The following TMTC2 variants were observed in gnomAD, a reference collection of about 807,000 sequenced individuals.
The protein encoded by TMTC2 is transmembrane O-mannosyltransferase targeting cadherins 2, also known as protein O-mannosyl-transferase TMTC2.
TMTC2 carries 43 observed loss-of-function variants against 82.4 expected under a neutral mutation model. The observed-to-expected ratio is 0.52, with a 90% CI of 0.41 to 0.67. The LOEUF (loss-of-function observed/expected upper bound fraction) is 0.67, where lower values mean the gene tolerates loss of function less well. Ranked by LOEUF, TMTC2 falls within the 30% of genes least tolerant of loss-of-function variation. The probability of loss-of-function intolerance (pLI) is 0.00; values close to 1 mark genes in which losing one functional copy is unlikely to be tolerated. For missense variants in TMTC2, 919 were observed against 1,012.4 expected (o/e 0.91, Z 1.25); for synonymous variants, 408 against 381.9 (o/e 1.07, Z -0.80).
chr12:82,834,314 A>G (rs1869910363), intron 1 of TMTC2, among the ~76,000 whole-genome samples: 2 of 152,242 alleles, frequency 1.3e-5, no homozygotes, highest in African/African-American at 4.8e-5. Flanking sequence ...CAGAGAGAGA[A>G]AAAGGTTGAA....
rs767346892 is a variant in TMTC2 at position 82,699,210 on chromosome 12, C to T, written c.83+11541C>T. Among the ~76,000 whole-genome samples, 5 of 152,272 alleles carry T rather than the reference C, an allele frequency of 3.3e-5. No individual in the cohort carries two copies. In the East Asian group the frequency reaches 5.8e-4, roughly 18 times the overall value. On this transcript the variant is annotated intron_variant, in intron 1 of 11. Coordinates refer to ENST00000321196, the MANE Select transcript of TMTC2 (RefSeq NM_152588.3). Reference sequence around the variant, plus strand: ...ATGGCCTGCTCCATCCCCCATACACCGTTTCTGCTTTTACTCTCTATCCAC... The same window carrying T: ...ATGGCCTGCTCCATCCCCCATACACTGTTTCTGCTTTTACTCTCTATCCAC...
intron 1 of TMTC2, among the ~76,000 whole-genome samples, chr12:82,815,708 T>C (rs1868672814): frequency 6.6e-6 from 1 of 152,060 alleles, no homozygotes; most frequent in Non-Finnish European, 1.5e-5. Flanking sequence ...GAATGAAAGT[T>C]TGTAGGCCAA....
At chr12:82,690,555 A>G (rs1872529999) in intron 1 of TMTC2, 1 of 259,028 alleles carries the variant, frequency 3.9e-6, no homozygotes, top group Non-Finnish European at 6.0e-6. Context: ...CTTATAGCAC[A>G]ATCAATTTCT....
Position 82,963,832 on chromosome 12 carries a change from T to C in TMTC2, c.1599-1192T>C, listed in dbSNP as rs1258607868. 3.1e-3 allele frequency among the ~76,000 whole-genome samples: 310 copies of C among 100,278 alleles called. 14 individuals are homozygous for C. The highest frequency in any genetic ancestry group is 8.9e-3 in the South Asian group (32 of 3,576). 65.8% of individuals were successfully genotyped at this position (100,278 alleles called of 152,430 possible). On this transcript the variant is annotated intron_variant, in intron 4 of 11. Coordinates refer to ENST00000321196, the MANE Select transcript of TMTC2 (RefSeq NM_152588.3). ...ATATATATATATATATATATATATATATATATATATATATATATGTGAAAG... is the reference window on the plus strand; with the variant it reads ...ATATATATATATATATATATATATACATATATATATATATATATGTGAAAG...
chr12:82,895,661 C>T (rs773043188), intron 2 of TMTC2, among the ~76,000 whole-genome samples, 157 bp from the exon 3 acceptor site: 3 of 152,038 alleles, frequency 2.0e-5, no homozygotes, highest in Non-Finnish European at 4.4e-5. Flanking sequence ...TTTCTCTAGG[C>T]GTGCTTGAAA....
intron 11 of TMTC2, among the ~76,000 whole-genome samples, chr12:83,106,975 A>T (rs534604018): frequency 6.6e-6 from 1 of 152,236 alleles, no homozygotes; most frequent in Non-Finnish European, 1.5e-5. Flanking sequence ...CAGTAAATTA[A>T]TGATATAAAT....
At position 82,941,879 on chromosome 12, in the gene TMTC2, C is replaced by T. The variant is rs137922417; in HGVS notation, c.1598+11334C>T. Among the ~76,000 whole-genome samples the T allele has an allele frequency of 1.3e-3, 194 of 152,088 alleles. 3 individuals are homozygous for T. In the East Asian group the frequency reaches 0.029, roughly 23 times the overall value. On this transcript the variant is annotated intron_variant, in intron 4 of 11. Transcript: ENST00000321196. ...GGTTCAAGCGATTCTCCTGAGTAGC[C>T]AGGATTACAGATGTGCGACACCATG...
At chr12:82,856,983 G>T in intron 1 of TMTC2, 27 bp from the exon 2 acceptor site, 2 of 1,573,908 alleles carry the variant, frequency 1.3e-6, no homozygotes, top group South Asian at 1.2e-5. Context: ...TTTTACATTT[G>T]ATTTTTTTTA....
At chr12:82,763,109 A>T (rs1177823885) in intron 1 of TMTC2, among the ~76,000 whole-genome samples, 1 of 152,138 alleles carries the variant, frequency 6.6e-6, no homozygotes, top group African/African-American at 2.4e-5. Flanking sequence ...TAATATTGAG[A>T]CACAAATTTA....
At chr12:82,853,381 G>C (rs1305135872) in intron 1 of TMTC2, among the ~76,000 whole-genome samples, 1 of 152,150 alleles carries the variant, frequency 6.6e-6, no homozygotes, top group African/African-American at 2.4e-5. Context: ...GGGATTACAG[G>C]CATGAGCCAC....
At chr12:82,993,956 AATGCTTGCAGACAGG>A (rs143846213) in intron 8 of TMTC2, among the ~76,000 whole-genome samples, 2,460 of 152,136 alleles carry the variant, frequency 0.016, 60 homozygotes, top group African/African-American at 0.056. Context: ...CTTTAGGCTG[AATGCTTGCAGACAGG>A]ATGCTTGGGT....
At chr12:82,881,097 G>A (rs1172088115) in intron 2 of TMTC2, among the ~76,000 whole-genome samples, 1 of 152,078 alleles carries the variant, frequency 6.6e-6, no homozygotes, top group East Asian at 1.9e-4. Context: ...TAATTTAAAA[G>A]ATAGTACTAT....
At chr12:83,023,329 A>G (rs895388726) in intron 8 of TMTC2, among the ~76,000 whole-genome samples, 5 of 152,214 alleles carry the variant, frequency 3.3e-5, no homozygotes, top group Non-Finnish European at 7.3e-5. Context: ...AACTATTCCT[A>G]TGTGCCCTTT....
chr12:82,889,787 T>C (rs1273987030), intron 2 of TMTC2, among the ~76,000 whole-genome samples: 1 of 152,136 alleles, frequency 6.6e-6, no homozygotes, highest in Non-Finnish European at 1.5e-5. Flanking sequence ...ATATAAACAT[T>C]TATCTCTCTT....
chr12:82,892,232 T>C (rs1020969713), intron 2 of TMTC2, among the ~76,000 whole-genome samples: 1 of 152,228 alleles, frequency 6.6e-6, no homozygotes, highest in Non-Finnish European at 1.5e-5. Context: ...ATACTTTAAA[T>C]GTGAAATAAT....
intron 7 of TMTC2, among the ~76,000 whole-genome samples, chr12:82,980,367 C>A (rs926223675): frequency 1.3e-5 from 2 of 151,720 alleles, no homozygotes; most frequent in African/African-American, 2.4e-5. Flanking sequence ...AACCTGATAT[C>A]TTAGAAGGAA....
At chr12:82,851,221 GGA>G (rs1870959102) in intron 1 of TMTC2, among the ~76,000 whole-genome samples, 1 of 150,750 alleles carries the variant, frequency 6.6e-6, no homozygotes, top group Non-Finnish European at 1.5e-5. Context: ...CCTGAGGTCA[GGA>G]GTTCGAGACC....
chr12:82,719,352 A>G (rs1592871602), intron 1 of TMTC2, among the ~76,000 whole-genome samples: 1 of 151,934 alleles, frequency 6.6e-6, no homozygotes, highest in Non-Finnish European at 1.5e-5. Flanking sequence ...TTGGCCTCCC[A>G]AAGTGCTGGG....
At chr12:82,801,886 A>G (rs2137037077) in intron 1 of TMTC2, among the ~76,000 whole-genome samples, 1 of 152,252 alleles carries the variant, frequency 6.6e-6, no homozygotes, top group African/African-American at 2.4e-5. Context: ...AGCTAGATAC[A>G]GAGTGCTGAT....
Sources: gnomAD v4.1 joint callset for allele counts (sites outside exome capture counted in the v4.1 genomes callset) on GRCh38, gnomAD v4.1.1 for gene constraint, MANE v1.5 for transcripts, NCBI Gene and HGNC (gene_info 2026-07-23, HGNC 2026-07-21) for gene names.